Variants in MAU2 observed in about 807,000 individuals in gnomAD.
MAU2 encodes MAU2 sister chromatid cohesion factor.
Under a neutral mutation model 89.1 loss-of-function variants are expected in MAU2, and 9 were observed. The observed-to-expected ratio is 0.10, with a 90% CI of 0.06 to 0.18. MAU2 has a LOEUF of 0.18. MAU2 is among the 10% of genes least tolerant of loss of function. MAU2 has a pLI of 1.00. For missense variants in MAU2, 425 were observed against 803.5 expected (o/e 0.53, Z 5.69); for synonymous variants, 357 against 343.4 (o/e 1.04, Z -0.44).
intron 7 of MAU2, 124 bp downstream of exon 7, chr19:19,341,531 T>C (rs986230642): frequency 8.5e-7 from 1 of 1,169,644 alleles, no homozygotes; most frequent in Non-Finnish European, 1.2e-6. Context: ...ACAACAGGGC[T>C]GTCATACCAG....
chr19:19,339,391 G>C (rs1342749036), intron 5 of MAU2, among the ~76,000 whole-genome samples: 1 of 151,728 alleles, frequency 6.6e-6, no homozygotes, highest in African/African-American at 2.4e-5. Flanking sequence ...AGGTTGCAGT[G>C]AGCCAAGATC....
intron 17 of MAU2, 66 bp downstream of exon 17, chr19:19,354,511 G>C: frequency 1.4e-6 from 2 of 1,409,068 alleles, no homozygotes; most frequent in East Asian, 4.6e-5. Flanking sequence ...CAAGGCTGCT[G>C]GGCATGTCCT....
intron 12 of MAU2, 111 bp from the exon 13 acceptor site, chr19:19,347,164 TGAAAA>T (rs1443687552): frequency 4.3e-6 from 3 of 695,156 alleles, no homozygotes; most frequent in African/African-American, 1.8e-5. Context: ...GTGTTTGAAA[TGAAAA>T]GAACAAGTCT....
At chr19:19,336,980 C>T (rs1280376907) in intron 3 of MAU2, among the ~76,000 whole-genome samples, 190 bp from the exon 4 acceptor site, 1 of 152,186 alleles carries the variant, frequency 6.6e-6, no homozygotes, top group African/African-American at 2.4e-5. Flanking sequence ...CAGAAACTTC[C>T]CAGCCAGTGA....
chr19:19,330,920 T>A lies in MAU2; in HGVS notation c.277-4798T>A, dbSNP rs139827506. 8.4e-3 allele frequency among the ~76,000 whole-genome samples: 1,284 copies of A among 152,208 alleles called. 12 individuals are homozygous for A. The highest frequency in any genetic ancestry group is 0.014 in the Non-Finnish European group (969 of 67,992). On this transcript the variant is annotated intron_variant, in intron 1 of 18. Transcript: ENST00000262815. ...CTACAATCAAAAAAAGCCTTTTTTT[T>A]AAAAGTTACTTTGGTTTTAAGGAAT...
At position 19,329,925 on chromosome 19, in the gene MAU2, C is replaced by T. The variant is rs890558273; in HGVS notation, c.277-5793C>T. The stretch of plus-strand genomic sequence containing the variant: ...GAGCCATGATTGCACCACTGCATTC[C>T]GGCCTGGGTGACAAAAACCCTGTCT... On this transcript the variant is annotated intron_variant, in intron 1 of 18. Transcript: ENST00000262815. Among the ~76,000 whole-genome samples the T allele has an allele frequency of 3.9e-5, 6 of 151,990 alleles. 1 individual carries two copies. The South Asian group carries it at 6.2e-4, about 16-fold the overall frequency.
At chr19:19,330,493 C>A (rs1056101626) in intron 1 of MAU2, among the ~76,000 whole-genome samples, 2 of 152,182 alleles carry the variant, frequency 1.3e-5, no homozygotes, top group Non-Finnish European at 2.9e-5. Flanking sequence ...GTAATCCCAG[C>A]ACTTTGGGAG....
At chr19:19,326,521 C>A (rs1161766324) in intron 1 of MAU2, among the ~76,000 whole-genome samples, 1 of 151,200 alleles carries the variant, frequency 6.6e-6, no homozygotes, top group African/African-American at 2.4e-5. Flanking sequence ...CCTGTCTCTA[C>A]TAAAAAATAC....
intron 1 of MAU2, among the ~76,000 whole-genome samples, chr19:19,332,758 C>G (rs563922071): frequency 2.6e-5 from 4 of 152,296 alleles, no homozygotes. Flanking sequence ...AGCCCGTTAG[C>G]AGCAGGCATA....
intron 1 of MAU2, among the ~76,000 whole-genome samples, chr19:19,324,695 T>A (rs1036637585): frequency 6.6e-6 from 1 of 152,224 alleles, no homozygotes; most frequent in Non-Finnish European, 1.5e-5. Flanking sequence ...CAAATGGAAC[T>A]TTGAATCTTG....
chr19:19,344,022 A>AGTATGCACTTGGCG, intron 10 of MAU2, 82 bp downstream of exon 10: 3 of 1,113,560 alleles, frequency 2.7e-6, no homozygotes, highest in Non-Finnish European at 4.0e-6. Context: ...TGAATTCGCC[A>AGTATGCACTTGGCG]AGTGCATACT....
intron 2 of MAU2, 114 bp downstream of exon 2, chr19:19,335,849 C>A: frequency 8.2e-7 from 1 of 1,216,094 alleles, no homozygotes; most frequent in South Asian, 1.2e-5. Flanking sequence ...GAGGCTCGGC[C>A]CACAGAGCAC....
In MAU2 at chr19:19,334,361, G is replaced by A. The variant is rs533828491; in HGVS notation, c.277-1357G>A. 147 of 985,782 alleles carry A rather than the reference G, an allele frequency of 1.5e-4. 1 individual carries two copies. The highest frequency in any genetic ancestry group is 1.4e-3 in the African/African-American group (81 of 57,360). 61.1% of individuals were successfully genotyped at this position (985,782 alleles called of 1,614,324 possible). A position where few individuals can be genotyped will look rare whatever the true frequency, so the allele number is the denominator to read the frequency against. ...GTGGGTGCATGTGTGTCAGGGGCTC[G>A]GGCTCTCTCCCACAGCTGTCCTCCT... On this transcript the variant is annotated intron_variant, in intron 1 of 18. Transcript: ENST00000262815.
intron 16 of MAU2, among the ~76,000 whole-genome samples, chr19:19,350,835 G>A (rs1244581835): frequency 6.6e-6 from 1 of 150,978 alleles, no homozygotes; most frequent in Non-Finnish European, 1.5e-5. Context: ...GGAAGGCGGA[G>A]CTTGCAGTGA....
At chr19:19,354,602 C>G in intron 17 of MAU2, 157 bp downstream of exon 17, 1 of 660,828 alleles carries the variant, frequency 1.5e-6, no homozygotes, top group South Asian at 1.7e-5. Context: ...TCAGGAGACC[C>G]TGGTTGAGGG....
At chr19:19,330,210 G>A (rs1024782160) in intron 1 of MAU2, among the ~76,000 whole-genome samples, 6 of 151,742 alleles carry the variant, frequency 4.0e-5, no homozygotes, top group African/African-American at 7.2e-5. Flanking sequence ...AAACTCCTGA[G>A]CTCAAGCAGT....
intron 3 of MAU2, among the ~76,000 whole-genome samples, chr19:19,336,862 G>A (rs2061600515): frequency 6.6e-6 from 1 of 152,184 alleles, no homozygotes; most frequent in African/African-American, 2.4e-5. Context: ...GCCTCTCTCT[G>A]GTCTGAGAAC....
chr19:19,325,611 C>T (rs2061497497), intron 1 of MAU2, among the ~76,000 whole-genome samples: 1 of 152,188 alleles, frequency 6.6e-6, no homozygotes, highest in Non-Finnish European at 1.5e-5. Context: ...TCCTGAGTAG[C>T]TAGGATTACA....
intron 1 of MAU2, among the ~76,000 whole-genome samples, chr19:19,324,557 G>A (rs368926537): frequency 6.6e-6 from 1 of 152,186 alleles, no homozygotes; most frequent in East Asian, 1.9e-4. Flanking sequence ...GTCACTGTGT[G>A]TACTGTCGTA....
Sources: gnomAD v4.1 joint callset for allele counts (sites outside exome capture counted in the v4.1 genomes callset) on GRCh38, gnomAD v4.1.1 for gene constraint, MANE v1.5 for transcripts, NCBI Gene and HGNC (gene_info 2026-07-23, HGNC 2026-07-21) for gene names.